Variants in TCF3 observed in about 807,000 individuals in gnomAD.
The protein encoded by TCF3 is transcription factor E2-alpha.
TCF3 carries 54 observed loss-of-function variants against 72.3 expected under a neutral mutation model. That is an observed-to-expected ratio of 0.75 (90% CI 0.60 to 0.94). TCF3 has a LOEUF of 0.94. Ranked by LOEUF, TCF3 falls within the 40% of genes least tolerant of loss-of-function variation. TCF3 has a pLI of 0.00. For synonymous variants in TCF3, 525 were observed against 412.6 expected (o/e 1.27, Z -3.30); for missense variants, 1,078 against 934.4 (o/e 1.15, Z -2.00).
chr19:1,626,012 T>A (rs1022166843), intron 6 of TCF3, among the ~76,000 whole-genome samples: 1 of 152,204 alleles, frequency 6.6e-6, no homozygotes, highest in African/African-American at 2.4e-5. Context: ...TGGCTAAGCG[T>A]CTGTGCACCC....
intron 6 of TCF3, 89 bp from the exon 7 acceptor site, chr19:1,625,797 C>A: frequency 7.2e-7 from 1 of 1,397,056 alleles, no homozygotes; most frequent in Non-Finnish European, 9.3e-7. Flanking sequence ...AGGCCGAAGC[C>A]ACTCAGACCC....
At position 1,619,844 on chromosome 19, in the gene TCF3, T is replaced by G; in HGVS notation, c.1103A>C (p.Gln368Pro). 6.3e-7 allele frequency: 1 copy of G among 1,577,936 alleles called. No homozygotes were observed. The highest frequency in any genetic ancestry group is 8.6e-7 in the Non-Finnish European group (1 of 1,162,868). Residue 368 changes from glutamine to proline, a missense_variant, in exon 14 of 19, where the codon CAG becomes CCG. Coordinates refer to ENST00000262965, the MANE Select transcript of TCF3 (RefSeq NM_003200.5). ...ACCGGGGGCTCCTGCTCGAGGCCAC[T>G]GTGACGTTCCTGGAAGGGAGTGGGG... The part of the protein sequence containing the change: ...GSPQGLAGTS[Q>P]WPRAGAPGAL...
chr19:1,631,862 C>T, intron 5 of TCF3, 176 bp downstream of exon 5: 2 of 1,493,316 alleles, frequency 1.3e-6, no homozygotes, highest in Non-Finnish European at 1.8e-6. Context: ...GGAGTCCGGG[C>T]CACGTCCCCT....
intron 3 of TCF3, among the ~76,000 whole-genome samples, chr19:1,634,178 A>T (rs1452773913): frequency 6.6e-6 from 1 of 152,240 alleles, no homozygotes; most frequent in Non-Finnish European, 1.5e-5. Context: ...AATGACAAAA[A>T]TAAGGACAGC....
intron 3 of TCF3, among the ~76,000 whole-genome samples, chr19:1,633,392 G>T (rs1221161807): frequency 6.6e-6 from 1 of 152,080 alleles, no homozygotes; most frequent in African/African-American, 2.4e-5. Flanking sequence ...GCCAGGCCTG[G>T]GGGACCCAGC....
intron 6 of TCF3, among the ~76,000 whole-genome samples, chr19:1,626,889 T>A (rs1420869863): frequency 1.3e-5 from 2 of 149,396 alleles, no homozygotes; most frequent in Non-Finnish European, 3.0e-5. Context: ...AGAGATGAAG[T>A]CCTGGGGTGA....
At position 1,615,160 on chromosome 19, in the gene TCF3, G is replaced by A; in HGVS notation, c.1822+125C>T. ...CAGAGGGGTGAAGGGCACAGTCACT[G>A]CAAGGAGGCAACTGCTGCAGAGGGA... On this transcript the variant is annotated intron_variant, in intron 18 of 18. Transcript: ENST00000262965. This position sits in a 1 kb window ranked among gnomAD's most constrained non-coding sequence, Gnocchi z 7.3. 6.7e-6 allele frequency: 8 copies of A among 1,188,274 alleles called. No homozygotes were observed. The highest frequency in any genetic ancestry group is 9.2e-6 in the Non-Finnish European group (8 of 868,108). 73.6% of individuals were successfully genotyped at this position (1,188,274 alleles called of 1,614,324 possible). A position where few individuals can be genotyped will look rare whatever the true frequency, so the allele number is the denominator to read the frequency against.
At chr19:1,647,578 T>C (rs375079516) in intron 2 of TCF3, among the ~76,000 whole-genome samples, 48 of 152,284 alleles carry the variant, frequency 3.2e-4, no homozygotes, top group African/African-American at 9.9e-4. Flanking sequence ...GCACCCGCGC[T>C]GAAGGCAGTG....
At chr19:1,629,812 A>G (rs2063479797) in intron 5 of TCF3, among the ~76,000 whole-genome samples, 1 of 152,182 alleles carries the variant, frequency 6.6e-6, no homozygotes, top group African/African-American at 2.4e-5. Flanking sequence ...TTGAATTTTA[A>G]AAGTTCAACG....
intron 3 of TCF3, among the ~76,000 whole-genome samples, chr19:1,644,323 T>G (rs1315949682): frequency 6.6e-6 from 1 of 152,098 alleles, no homozygotes; most frequent in Non-Finnish European, 1.5e-5. Context: ...TGCCACCAAC[T>G]CAGGCCTTGG....
chr19:1,626,995 G>A (rs1343980883), intron 6 of TCF3, among the ~76,000 whole-genome samples: 1 of 152,198 alleles, frequency 6.6e-6, no homozygotes, highest in African/African-American at 2.4e-5. Context: ...CACAACCAGG[G>A]CCAGCGTGGG....
In TCF3 at chr19:1,621,977, G is replaced by A. The variant is rs2062284873; in HGVS notation, c.823-7C>T. ...CTCCATGCAGCTGGTAGCCCTGGGG[G>A]GTCAGGCAGGAGGAGGGTGGGTTAG... On this transcript the variant is annotated splice_region_variant and splice_polypyrimidine_tract_variant and intron_variant, in intron 10 of 18. Transcript: ENST00000262965. 6.2e-7 allele frequency: 1 copy of A among 1,603,756 alleles called. No homozygotes were observed. Among genetic ancestry groups the A allele is most frequent in the African/African-American group, 1.3e-5 (1 of 74,804 alleles).
At chr19:1,645,800 G>A (rs1347496417) in intron 3 of TCF3, among the ~76,000 whole-genome samples, 2 of 152,184 alleles carry the variant, frequency 1.3e-5, no homozygotes, top group African/African-American at 2.4e-5. Flanking sequence ...GGATGTTTCT[G>A]CTTTGAGCAC....
chr19:1,633,161 C>G (rs1334726528), intron 3 of TCF3, among the ~76,000 whole-genome samples: 1 of 152,214 alleles, frequency 6.6e-6, no homozygotes, highest in Admixed American at 6.5e-5. Flanking sequence ...GAATCTTCTG[C>G]CCTGGGCAGG....
At chr19:1,650,045 C>G (rs1229747830) in intron 2 of TCF3, 132 bp downstream of exon 2, 1 of 905,336 alleles carries the variant, frequency 1.1e-6, no homozygotes, top group African/African-American at 1.7e-5. Flanking sequence ...TCCCCCAGCC[C>G]CACCGGGGCC....
chr19:1,648,597 A>AGTACC (rs2066494462), intron 2 of TCF3, among the ~76,000 whole-genome samples: 1 of 152,244 alleles, frequency 6.6e-6, no homozygotes. Flanking sequence ...GGAAGCAAAA[A>AGTACC]TAAAACGGGG....
chr19:1,619,614 G>A (rs984161213), intron 14 of TCF3, 140 bp from the exon 15 acceptor site: 94 of 1,333,800 alleles, frequency 7.0e-5, no homozygotes, highest in Middle Eastern at 2.6e-4. Flanking sequence ...GGCATCTGGC[G>A]CCCGGGAGCA....
intron 2 of TCF3, 34 bp downstream of exon 2, chr19:1,650,141 AGG>A (rs1377252174): frequency 6.6e-7 from 1 of 1,519,946 alleles, no homozygotes; most frequent in African/African-American, 1.4e-5. Flanking sequence ...GTGGAGGCAA[AGG>A]GGTGTCGGGG....
chr19:1,619,116 T>C lies in TCF3; in HGVS notation c.1445A>G (p.Tyr482Cys). Residue 482 changes from tyrosine to cysteine, a missense_variant, in exon 16 of 19, where the codon TAC becomes TGC. Transcript: ENST00000262965. ...TCCCAAGCTCAAGGGCTTACCACTG[T>C]AGGAGTCGGGAGGCCGAGACAGGTC... is the stretch of plus-strand genomic sequence containing the variant. ...LPDLSRPPDS[Y>C]SGLGRAGATA... The C allele has an allele frequency of 6.3e-7, 1 of 1,599,304 alleles. No homozygotes were observed. Among genetic ancestry groups the C allele is most frequent in the East Asian group, 2.2e-5 (1 of 44,854 alleles).
Sources: gnomAD v4.1 joint callset for allele counts (sites outside exome capture counted in the v4.1 genomes callset) on GRCh38, gnomAD v4.1.1 for gene constraint, Gnocchi (gnomAD v3.1) non-coding constraint, MANE v1.5 for transcripts, NCBI Gene and HGNC (gene_info 2026-07-23, HGNC 2026-07-21) for gene names.